The following C8orf34 variants were observed in gnomAD, a reference collection of about 807,000 sequenced individuals.
C8orf34 encodes the protein chromosome 8 open reading frame 34.
C8orf34 carries 65 observed loss-of-function variants against 68.3 expected under a neutral mutation model. That is an observed-to-expected ratio of 0.95 (90% CI 0.78 to 1.17). The LOEUF is 1.17. Ranked by LOEUF, C8orf34 falls within the 50% of genes most tolerant of loss-of-function variation. The pLI, the probability that C8orf34 is intolerant of heterozygous loss-of-function variation, is 0.00. For synonymous variants in C8orf34, 244 were observed against 241.2 expected (o/e 1.01, Z -0.11); for missense variants, 664 against 655.4 (o/e 1.01, Z -0.14).
intron 3 of C8orf34, among the ~76,000 whole-genome samples, chr8:68,459,150 C>G (rs1811675976): frequency 6.6e-6 from 1 of 152,142 alleles, no homozygotes; most frequent in Non-Finnish European, 1.5e-5. Flanking sequence ...AATGCATTGT[C>G]TGGCTATCAT....
At chr8:68,498,466 T>C (rs1813626201) in intron 5 of C8orf34, among the ~76,000 whole-genome samples, 1 of 152,206 alleles carries the variant, frequency 6.6e-6, no homozygotes, top group African/African-American at 2.4e-5. Flanking sequence ...CTCTAAGCCA[T>C]TATCGATAGT....
At chr8:68,689,680 G>A (rs1820630249) in intron 8 of C8orf34, among the ~76,000 whole-genome samples, 1 of 151,950 alleles carries the variant, frequency 6.6e-6, no homozygotes, top group African/African-American at 2.4e-5. Context: ...GAGGCATTTG[G>A]CAATAAATAT....
intron 1 of C8orf34, among the ~76,000 whole-genome samples, chr8:68,428,491 C>T (rs749701797): frequency 2.0e-5 from 3 of 152,004 alleles, no homozygotes; most frequent in Non-Finnish European, 4.4e-5. Flanking sequence ...ATAAACACTT[C>T]ATGTAGGTAA....
chr8:68,609,568 T>C (rs971756989), intron 7 of C8orf34, among the ~76,000 whole-genome samples: 1 of 152,008 alleles, frequency 6.6e-6, no homozygotes. Context: ...TAAGATGGAG[T>C]CTGAGTAGTC....
At chr8:68,514,880 G>T (rs181128703) in intron 5 of C8orf34, among the ~76,000 whole-genome samples, 43 of 152,198 alleles carry the variant, frequency 2.8e-4, no homozygotes, top group Non-Finnish European at 4.9e-4. Context: ...TAAGAAAATA[G>T]AAGTTCATCA....
chr8:68,580,040 C>T (rs974210738), intron 7 of C8orf34, among the ~76,000 whole-genome samples: 3 of 152,024 alleles, frequency 2.0e-5, no homozygotes, highest in African/African-American at 7.2e-5. Flanking sequence ...AAAGGCTGCT[C>T]ATAGGGGTAT....
At chr8:68,694,305 A>G (rs1392707706) in intron 8 of C8orf34, among the ~76,000 whole-genome samples, 1 of 151,018 alleles carries the variant, frequency 6.6e-6, no homozygotes, top group Non-Finnish European at 1.5e-5. Flanking sequence ...CAATAAAAAC[A>G]CATTATTTAG....
intron 9 of C8orf34, among the ~76,000 whole-genome samples, chr8:68,712,240 G>C (rs928383800): frequency 7.9e-5 from 12 of 152,134 alleles, no homozygotes; most frequent in Admixed American, 2.0e-4. Context: ...CCTCCTTAAA[G>C]CATAAATCTC....
chr8:68,575,058 A>G (rs1176408649), intron 7 of C8orf34, among the ~76,000 whole-genome samples: 1 of 151,976 alleles, frequency 6.6e-6, no homozygotes, highest in African/African-American at 2.4e-5. Flanking sequence ...AGTTTATATA[A>G]AATATAAACT....
intron 10 of C8orf34, among the ~76,000 whole-genome samples, chr8:68,740,515 T>C (rs1436384637): frequency 6.6e-6 from 1 of 152,014 alleles, no homozygotes; most frequent in Admixed American, 6.6e-5. Context: ...ATTAGAGAAA[T>C]GCAAATCAAA....
intron 8 of C8orf34, among the ~76,000 whole-genome samples, 193 bp downstream of exon 8, chr8:68,640,704 C>G (rs1434143008): frequency 6.6e-6 from 1 of 152,162 alleles, no homozygotes; most frequent in Admixed American, 6.5e-5. Flanking sequence ...AACAATGAAT[C>G]AAAGAGTTTA....
chr8:68,483,265 A>G lies in C8orf34; in HGVS notation c.737-4758A>G, dbSNP rs544038304. On this transcript the variant is annotated intron_variant, in intron 4 of 13. Coordinates refer to ENST00000518698, the MANE Select transcript of C8orf34 (RefSeq NM_052958.4). ...TGTTTTGAAATAAGTTTCTGATACT[A>G]ATGTGTTTTGTGCTGTGCTGGTTTA... Among the ~76,000 whole-genome samples, 8 of 152,280 alleles carry G rather than the reference A, an allele frequency of 5.3e-5. No homozygotes were observed. The East Asian group carries it at 1.5e-3, about 29-fold the overall frequency.
At chr8:68,787,417 T>A in intron 11 of C8orf34, 26 bp from the exon 12 acceptor site, 1 of 1,548,270 alleles carries the variant, frequency 6.5e-7, no homozygotes, top group Non-Finnish European at 8.9e-7. Context: ...CAGAGTTTAA[T>A]CTAAAATAAA....
chr8:68,547,519 G>A (rs548832534), intron 7 of C8orf34, among the ~76,000 whole-genome samples: 2 of 151,388 alleles, frequency 1.3e-5, no homozygotes, highest in Admixed American at 6.6e-5. Flanking sequence ...AACACTTCTC[G>A]GATTGTTTGA....
intron 7 of C8orf34, among the ~76,000 whole-genome samples, chr8:68,536,330 G>C (rs1201553889): frequency 8.1e-6 from 1 of 123,702 alleles, no homozygotes; most frequent in Admixed American, 1.0e-4. Flanking sequence ...CTGTAGTCCA[G>C]CCTGGGTGAC....
chr8:68,343,949 A>G (rs1806177543), intron 1 of C8orf34, among the ~76,000 whole-genome samples: 1 of 151,936 alleles, frequency 6.6e-6, no homozygotes, highest in Non-Finnish European at 1.5e-5. Flanking sequence ...CTGGTCTCGA[A>G]CTCCTGGGCT....
intron 7 of C8orf34, among the ~76,000 whole-genome samples, chr8:68,637,062 C>T (rs1199023356): frequency 6.6e-6 from 1 of 152,128 alleles, no homozygotes; most frequent in Non-Finnish European, 1.5e-5. Context: ...TCTACCTTAC[C>T]TGTTTCACTG....
chr8:68,811,725 A>T (rs1824657564), intron 12 of C8orf34, among the ~76,000 whole-genome samples: 1 of 152,250 alleles, frequency 6.6e-6, no homozygotes, highest in African/African-American at 2.4e-5. Flanking sequence ...GGAGGAGGAA[A>T]TGGGACAGAA....
At chr8:68,465,967 A>G (rs1282299706) in intron 3 of C8orf34, among the ~76,000 whole-genome samples, 1 of 150,982 alleles carries the variant, frequency 6.6e-6, no homozygotes, top group Non-Finnish European at 1.5e-5. Flanking sequence ...AAAATAAAAT[A>G]AAATAAAATA....
Sources: gnomAD v4.1 joint callset for allele counts (sites outside exome capture counted in the v4.1 genomes callset) on GRCh38, gnomAD v4.1.1 for gene constraint, MANE v1.5 for transcripts, NCBI Gene and HGNC (gene_info 2026-07-23, HGNC 2026-07-21) for gene names.